The following PPP2R2C variants were observed in gnomAD, a reference collection of about 807,000 sequenced individuals.
PPP2R2C encodes protein phosphatase 2, regulatory subunit B, gamma.
A neutral mutation model predicts 45.3 loss-of-function variants in PPP2R2C; 10 were observed. That is an observed-to-expected ratio of 0.22 (90% CI 0.14 to 0.37). The LOEUF (loss-of-function observed/expected upper bound fraction) is 0.37, where lower values mean the gene tolerates loss of function less well. Ranked by LOEUF, PPP2R2C falls within the 10% of genes least tolerant of loss-of-function variation. The pLI, the probability that PPP2R2C is intolerant of heterozygous loss-of-function variation, is 1.00. For missense variants in PPP2R2C, 308 were observed against 619.7 expected, an observed-to-expected ratio of 0.50 and a Z score of 5.34; for synonymous variants, 257 against 245.4, an observed-to-expected ratio of 1.05 and a Z score of -0.44.
At chr4:6,334,103 A>G (rs941752128) in intron 6 of PPP2R2C, among the ~76,000 whole-genome samples, 3 of 152,194 alleles carry the variant, frequency 2.0e-5, no homozygotes, top group Non-Finnish European at 4.4e-5. Context: ...GTGTCCTGAC[A>G]TTCTCAAATG....
At chr4:6,452,416 G>T (rs747407407) in intron 1 of PPP2R2C, among the ~76,000 whole-genome samples, 1 of 152,080 alleles carries the variant, frequency 6.6e-6, no homozygotes, top group Non-Finnish European at 1.5e-5. Flanking sequence ...GTGGGATCCC[G>T]TCTGGGGCCT....
chr4:6,533,615 C>T (rs771015030), intron 2 of PPP2R2C, among the ~76,000 whole-genome samples: 12 of 152,170 alleles, frequency 7.9e-5, no homozygotes, highest in Non-Finnish European at 1.5e-4. Context: ...GCCTGGGGAC[C>T]GTAAGTCTGC....
chr4:6,348,361 CT>C (rs2109226633), intron 5 of PPP2R2C, among the ~76,000 whole-genome samples: 1 of 151,850 alleles, frequency 6.6e-6, no homozygotes, highest in African/African-American at 2.4e-5. Flanking sequence ...CTTCCTTCCC[CT>C]GTTGGTTGCC....
intron 2 of PPP2R2C, among the ~76,000 whole-genome samples, chr4:6,511,312 T>C (rs1723454905): frequency 6.7e-6 from 1 of 149,082 alleles, no homozygotes; most frequent in African/African-American, 2.5e-5. Flanking sequence ...GGTGATGGTA[T>C]TGATGGTGGT....
At chr4:6,535,424 G>A in intron 1 of PPP2R2C, 1 of 1,271,640 alleles carries the variant, frequency 7.9e-7, no homozygotes, top group Non-Finnish European at 1.1e-6. Flanking sequence ...AAGAGCCTTG[G>A]TGCATGCACG....
At chr4:6,369,071 T>G (rs958163702) in intron 5 of PPP2R2C, among the ~76,000 whole-genome samples, 2 of 152,232 alleles carry the variant, frequency 1.3e-5, no homozygotes, top group African/African-American at 4.8e-5. Context: ...TACCTCCATC[T>G]TTTCAGAGAG....
At chr4:6,396,859 T>C (rs1413103950) in intron 1 of PPP2R2C, among the ~76,000 whole-genome samples, 1 of 152,210 alleles carries the variant, frequency 6.6e-6, no homozygotes, top group African/African-American at 2.4e-5. Context: ...CTGATTTCCA[T>C]GCTACCCACA....
chr4:6,330,349 G>A lies in PPP2R2C; in HGVS notation c.961-996C>T, dbSNP rs1156337845. Among the ~76,000 whole-genome samples the A allele has an allele frequency of 1.3e-5, 2 of 152,246 alleles. No homozygotes were observed. Among genetic ancestry groups the A allele is most frequent in the Non-Finnish European group, 2.9e-5 (2 of 68,042 alleles). ...CTCCAACGAACACAGAAAATGTGAAGGGTGGTGTGAACGTCAATTTCGTGT... is the reference window on the plus strand; with the variant it reads ...CTCCAACGAACACAGAAAATGTGAAAGGTGGTGTGAACGTCAATTTCGTGT... On this transcript the variant is annotated intron_variant, in intron 7 of 8. Transcript: ENST00000382599. This position sits in a 1 kb window ranked among gnomAD's most constrained non-coding sequence, Gnocchi z 7.0.
At chr4:6,400,716 T>C (rs551323668) in intron 1 of PPP2R2C, among the ~76,000 whole-genome samples, 41 of 152,354 alleles carry the variant, frequency 2.7e-4, no homozygotes, top group African/African-American at 9.6e-4. Flanking sequence ...TCCAAGCCTC[T>C]CCCATGTTCT....
intron 2 of PPP2R2C, among the ~76,000 whole-genome samples, chr4:6,479,328 G>T (rs937920188): frequency 6.6e-6 from 1 of 152,148 alleles, no homozygotes; most frequent in African/African-American, 2.4e-5. Context: ...TGGCTTGTTC[G>T]ACCACTTTGA....
intron 6 of PPP2R2C, 33 bp from the exon 7 acceptor site, chr4:6,333,764 C>T (rs756669010): frequency 1.7e-5 from 27 of 1,611,836 alleles, no homozygotes; most frequent in Admixed American, 3.3e-5. Context: ...GCCGTCACTG[C>T]GCTGCTCCCG....
At chr4:6,381,649 A>G in intron 1 of PPP2R2C, 1 of 1,501,124 alleles carries the variant, frequency 6.7e-7, no homozygotes, top group South Asian at 1.4e-5. Flanking sequence ...GGCCTCTGGG[A>G]TCGCTCTCTA....
chr4:6,408,835 G>T (rs935865505), intron 1 of PPP2R2C, among the ~76,000 whole-genome samples: 2 of 150,486 alleles, frequency 1.3e-5, no homozygotes, highest in African/African-American at 4.9e-5. Context: ...CTGGTCAGGG[G>T]TGTCACTGTC....
chr4:6,540,382 G>A lies in PPP2R2C; in HGVS notation c.-58-5005C>T, dbSNP rs183407571. 1.1e-4 allele frequency among the ~76,000 whole-genome samples: 16 copies of A among 152,292 alleles called. No homozygotes were observed. In the East Asian group the frequency reaches 3.1e-3, roughly 29 times the overall value. The stretch of plus-strand genomic sequence containing the variant: ...TAACATGATGTGTTCAAGGTTCATT[G>A]ATGTTGTAGCGTGTGGCAGGGCTTC... On this transcript the variant is annotated intron_variant, in intron 1 of 9. Transcript: ENST00000506140.
rs1046619631 is a variant in PPP2R2C at position 6,529,235 on chromosome 4, G to A, written c.49+6036C>T. ...AGCAAAGGCTCACGGTCAAGGAAGC[G>A]ACGCAGGAGCTCCCACTTCAGGCTC... On this transcript the variant is annotated intron_variant, in intron 2 of 9. Coordinates refer to the PPP2R2C transcript ENST00000506140. Among the ~76,000 whole-genome samples, 3 of 152,232 alleles carry A rather than the reference G, an allele frequency of 2.0e-5. No homozygotes were observed. The South Asian group carries it at 6.2e-4, about 32-fold the overall frequency.
intron 8 of PPP2R2C, among the ~76,000 whole-genome samples, chr4:6,325,389 G>C (rs951084305): frequency 6.6e-6 from 1 of 152,190 alleles, no homozygotes; most frequent in African/African-American, 2.4e-5. Flanking sequence ...CAGCATGCGA[G>C]GGGGGCCGGG....
At chr4:6,383,408 C>A (rs1715999649) in intron 1 of PPP2R2C, 3 of 1,289,870 alleles carry the variant, frequency 2.3e-6, no homozygotes, top group Non-Finnish European at 3.0e-6. Flanking sequence ...ACCTCCTCCC[C>A]TTCCCCAGCC....
At position 6,511,547 on chromosome 4, in the gene PPP2R2C, T is replaced by TGGC. The variant is rs1577229434; in HGVS notation, c.49+23723_49+23724insGCC. On this transcript the variant is annotated intron_variant, in intron 2 of 9. Coordinates refer to the PPP2R2C transcript ENST00000506140. ...GTGATGGTGGTGGTGGTGGTGGTGATGGTGGTGGTGGTGGTGGTGGTGGTG... is the reference window on the plus strand; with the variant it reads ...GTGATGGTGGTGGTGGTGGTGGTGATGGCGGTGGTGGTGGTGGTGGTGGTGGTG... Among the ~76,000 whole-genome samples, 7 of 9,880 alleles carry TGGC rather than the reference T, an allele frequency of 7.1e-4. 1 individual carries two copies. The highest frequency in any genetic ancestry group is 1.6e-3 in the Non-Finnish European group (6 of 3,656). The allele number at this position is 9,880 out of a possible 152,430, so 6.5% of individuals were successfully genotyped here. A position where few individuals can be genotyped will look rare whatever the true frequency, so the allele number is the denominator to read the frequency against.
At chr4:6,511,489 G>A (rs1337909048) in intron 2 of PPP2R2C, among the ~76,000 whole-genome samples, 1 of 72,454 alleles carries the variant, frequency 1.4e-5, no homozygotes, top group East Asian at 4.2e-4. Context: ...GGCGGTGTTG[G>A]TGGTGATGGC....
Sources: allele counts gnomAD v4.1 joint callset (sites outside exome capture counted in the v4.1 genomes callset), GRCh38; gene constraint gnomAD v4.1.1; non-coding constraint Gnocchi (gnomAD v3.1); transcripts MANE v1.5; gene names NCBI Gene and HGNC (gene_info 2026-07-23, HGNC 2026-07-21).